Variants in SEMA3A observed in about 807,000 individuals in gnomAD.
SEMA3A encodes the protein semaphorin 3A.
A neutral mutation model predicts 97.9 loss-of-function variants in SEMA3A; 29 were observed. The ratio of observed to expected loss-of-function variants is 0.30; its 90% CI spans 0.22 to 0.40. SEMA3A has a LOEUF of 0.40. SEMA3A is among the 10% of genes least tolerant of loss of function. The probability of loss-of-function intolerance (pLI) is 1.00; values close to 1 mark genes in which losing one functional copy is unlikely to be tolerated. For synonymous variants in SEMA3A, 321 were observed against 323.7 expected, an observed-to-expected ratio of 0.99 and a Z score of 0.09; for missense variants, 763 against 951.3, an observed-to-expected ratio of 0.80 and a Z score of 2.60.
At chr7:84,350,436 T>C (rs1360947823) in intron 2 of SEMA3A, among the ~76,000 whole-genome samples, 6 of 152,170 alleles carry the variant, frequency 3.9e-5, no homozygotes, top group African/African-American at 1.4e-4. Flanking sequence ...AAGTTTTATA[T>C]GTTTAATAAG....
At chr7:84,442,664 A>G (rs545158706) in intron 1 of SEMA3A, among the ~76,000 whole-genome samples, 1 of 48,076 alleles carries the variant, frequency 2.1e-5, no homozygotes, top group African/African-American at 1.7e-4. Flanking sequence ...GTCAAAATTA[A>G]AAAGATAGCA....
chr7:83,987,501 G>A (rs1365449199), intron 12 of SEMA3A, among the ~76,000 whole-genome samples: 1 of 152,114 alleles, frequency 6.6e-6, no homozygotes, highest in Non-Finnish European at 1.5e-5. Context: ...TCAGAAGTGA[G>A]GTGAAAGGAT....
At chr7:84,004,730 A>AGTAT (rs1790596581) in intron 11 of SEMA3A, among the ~76,000 whole-genome samples, 1 of 152,224 alleles carries the variant, frequency 6.6e-6, no homozygotes, top group African/African-American at 2.4e-5. Flanking sequence ...ATTTTAAATT[A>AGTAT]GTATGTCTCA....
At chr7:84,447,109 C>T (rs1461434338) in intron 1 of SEMA3A, among the ~76,000 whole-genome samples, 1 of 152,198 alleles carries the variant, frequency 6.6e-6, no homozygotes, top group Non-Finnish European at 1.5e-5. Flanking sequence ...GGCGCCATCA[C>T]GACCTGGCCA....
At chr7:84,403,377 G>T (rs1295265180) in intron 1 of SEMA3A, among the ~76,000 whole-genome samples, 3 of 152,232 alleles carry the variant, frequency 2.0e-5, no homozygotes, top group African/African-American at 7.2e-5. Flanking sequence ...CCAGGCTTGA[G>T]TAGGTAAACA....
intron 3 of SEMA3A, among the ~76,000 whole-genome samples, chr7:84,275,967 C>T (rs545221619): frequency 4.6e-5 from 7 of 152,024 alleles, no homozygotes; most frequent in African/African-American, 1.2e-4. Flanking sequence ...ACATTTTTAT[C>T]GGACGTTGCT....
At chr7:84,331,314 T>G (rs2115949111) in intron 2 of SEMA3A, among the ~76,000 whole-genome samples, 1 of 152,262 alleles carries the variant, frequency 6.6e-6, no homozygotes, top group Middle Eastern at 3.4e-3. Flanking sequence ...GGCTTAATAT[T>G]TTATGACAAG....
intron 1 of SEMA3A, among the ~76,000 whole-genome samples, chr7:84,476,328 C>T (rs1034019638): frequency 6.7e-6 from 1 of 149,468 alleles, no homozygotes; most frequent in Non-Finnish European, 1.5e-5. Flanking sequence ...CACTGCACTC[C>T]AGCCTGGGTG....
At chr7:83,993,165 G>T (rs1253315379) in intron 12 of SEMA3A, among the ~76,000 whole-genome samples, 3 of 135,734 alleles carry the variant, frequency 2.2e-5, no homozygotes, top group Non-Finnish European at 4.7e-5. Context: ...TTTTCCATTT[G>T]CTTGGTAGAT....
intron 3 of SEMA3A, among the ~76,000 whole-genome samples, chr7:84,242,055 G>C (rs1321164457): frequency 6.6e-6 from 1 of 152,134 alleles, no homozygotes; most frequent in African/African-American, 2.4e-5. Context: ...TTCAAGTCAG[G>C]TAGCATGATG....
chr7:83,998,637 AC>A (rs972138856), intron 12 of SEMA3A, among the ~76,000 whole-genome samples: 26 of 108,658 alleles, frequency 2.4e-4, no homozygotes, highest in African/African-American at 7.7e-4. Context: ...CAAGTACTTT[AC>A]AATATAAACT....
chr7:84,110,029 T>G (rs1795230138), intron 4 of SEMA3A, among the ~76,000 whole-genome samples: 1 of 152,172 alleles, frequency 6.6e-6, no homozygotes, highest in African/African-American at 2.4e-5. Flanking sequence ...GTGAATAATG[T>G]GAGTCAAACT....
chr7:84,101,569 T>C (rs909678212), intron 4 of SEMA3A, among the ~76,000 whole-genome samples: 1 of 152,226 alleles, frequency 6.6e-6, no homozygotes, highest in African/African-American at 2.4e-5. Flanking sequence ...TGCTGGGTTA[T>C]ACTCCAGTTA....
At chr7:84,388,335 G>C (rs575695949) in intron 1 of SEMA3A, among the ~76,000 whole-genome samples, 2 of 152,090 alleles carry the variant, frequency 1.3e-5, no homozygotes, top group Non-Finnish European at 2.9e-5. Context: ...TTTTTAAAGA[G>C]GGGTGGAAAT....
intron 3 of SEMA3A, among the ~76,000 whole-genome samples, chr7:84,283,121 T>C (rs188353820): frequency 2.0e-5 from 3 of 152,102 alleles, no homozygotes; most frequent in Admixed American, 2.0e-4. Context: ...TTAAGAATTG[T>C]GTGTGTGTGT....
intron 12 of SEMA3A, among the ~76,000 whole-genome samples, chr7:83,991,350 C>T (rs1789918633): frequency 6.6e-6 from 1 of 151,780 alleles, no homozygotes; most frequent in Non-Finnish European, 1.5e-5. Flanking sequence ...GAACTTCCAA[C>T]ACTATGTTGA....
intron 3 of SEMA3A, among the ~76,000 whole-genome samples, chr7:84,224,483 T>G (rs1051033017): frequency 6.6e-6 from 1 of 152,048 alleles, no homozygotes; most frequent in African/African-American, 2.4e-5. Context: ...GGTCACTTAA[T>G]TTTTTGCTCT....
At chr7:84,275,220 C>T (rs1800263641) in intron 3 of SEMA3A, among the ~76,000 whole-genome samples, 1 of 152,062 alleles carries the variant, frequency 6.6e-6, no homozygotes, top group Admixed American at 6.6e-5. Flanking sequence ...GACATCCATA[C>T]ATCCACTTAC....
intron 6 of SEMA3A, among the ~76,000 whole-genome samples, chr7:84,022,940 T>A (rs1321217543): frequency 1.3e-5 from 2 of 152,230 alleles, no homozygotes; most frequent in Non-Finnish European, 2.9e-5. Flanking sequence ...AAGCATGGAA[T>A]CTTTAGTCAT....
Sources: allele counts gnomAD v4.1 joint callset (sites outside exome capture counted in the v4.1 genomes callset), GRCh38; gene constraint gnomAD v4.1.1; transcripts MANE v1.5; gene names NCBI Gene and HGNC (gene_info 2026-07-23, HGNC 2026-07-21).